Variants in CENPP observed in about 807,000 individuals in gnomAD.
CENPP encodes centromere protein P.
A neutral mutation model predicts 35.6 loss-of-function variants in CENPP; 24 were observed. That is an observed-to-expected ratio of 0.67 (90% CI 0.49 to 0.95). The LOEUF (loss-of-function observed/expected upper bound fraction) is 0.95, where lower values mean the gene tolerates loss of function less well. Ranked by LOEUF, CENPP falls within the 40% of genes least tolerant of loss-of-function variation. CENPP has a pLI of 0.00. For missense variants in CENPP, 332 were observed against 345.3 expected (o/e 0.96, Z 0.31); for synonymous variants, 120 against 125.5 (o/e 0.96, Z 0.29).
At chr9:92,599,294 G>A (rs1342287535) in intron 5 of CENPP, among the ~76,000 whole-genome samples, 2 of 152,144 alleles carry the variant, frequency 1.3e-5, no homozygotes, top group African/African-American at 4.8e-5. Context: ...TCCATCTTAG[G>A]CTTAGGGGCT....
At chr9:92,404,454 TAACA>T in intron 5 of CENPP, 1 of 1,215,632 alleles carries the variant, frequency 8.2e-7, no homozygotes, top group Non-Finnish European at 1.1e-6. Context: ...AGTCGCACTT[TAACA>T]AACAATATTT....
intron 5 of CENPP, chr9:92,385,463 T>C (rs1006804252): frequency 1.6e-6 from 1 of 612,158 alleles, no homozygotes; most frequent in African/African-American, 1.9e-5. Context: ...TTTTACTTAT[T>C]ATATGTAAGA....
Position 92,618,188 on chromosome 9 carries a change from C to G in CENPP, c.*5039C>G, listed in dbSNP as rs1185573000. The stretch of plus-strand genomic sequence containing the variant: ...TCGGAGGAGAAGCCTTCTCTGAGAT[C>G]CTCTCCTTTTGTTGAGAAAGGCCTG... On this transcript the variant is annotated 3_prime_UTR_variant, in exon 8 of 8. Transcript: ENST00000375587. 1.3e-5 allele frequency: 6 copies of G among 455,764 alleles called. No individual in the cohort carries two copies. Among genetic ancestry groups the G allele is most frequent in the Non-Finnish European group, 2.6e-5 (6 of 226,426 alleles). 28.2% of individuals were successfully genotyped at this position (455,764 alleles called of 1,614,324 possible).
chr9:92,523,505 G>T (rs1165594395), intron 5 of CENPP, among the ~76,000 whole-genome samples: 23 of 152,114 alleles, frequency 1.5e-4, no homozygotes, highest in Non-Finnish European at 1.5e-5. Flanking sequence ...TGGGAGCCAG[G>T]GGGCCAGTTG....
chr9:92,380,133 A>G (rs967573970), intron 5 of CENPP, among the ~76,000 whole-genome samples: 5 of 152,216 alleles, frequency 3.3e-5, no homozygotes, highest in African/African-American at 1.2e-4. Flanking sequence ...TTTCAAGAGT[A>G]TTTGAAGTAA....
rs538103603 is a variant in CENPP at position 92,580,366 on chromosome 9, C to T, written c.565-30948C>T. ...CTTTTTCTGTTGATTGGAATAGTTTCAGAAGGAATGGTACCAGTTCCTCCT... is the reference window on the plus strand; with the variant it reads ...CTTTTTCTGTTGATTGGAATAGTTTTAGAAGGAATGGTACCAGTTCCTCCT... On this transcript the variant is annotated intron_variant, in intron 5 of 7. Transcript: ENST00000375587. Among the ~76,000 whole-genome samples, 282 of 152,214 alleles carry T rather than the reference C, an allele frequency of 1.9e-3. 9 individuals are homozygous for T. In the South Asian group the frequency reaches 0.048, roughly 26 times the overall value.
chr9:92,344,803 C>T (rs1209494051), intron 3 of CENPP, among the ~76,000 whole-genome samples: 1 of 151,336 alleles, frequency 6.6e-6, no homozygotes, highest in Non-Finnish European at 1.5e-5. Context: ...CCCGCCTCTG[C>T]CTCCCAAAGT....
intron 5 of CENPP, among the ~76,000 whole-genome samples, chr9:92,448,159 G>A (rs1844599867): frequency 6.6e-6 from 1 of 152,212 alleles, no homozygotes. Flanking sequence ...CACAAATGAA[G>A]ACTGCAGCAT....
At chr9:92,474,406 C>T (rs1324211661) in intron 5 of CENPP, among the ~76,000 whole-genome samples, 1 of 152,096 alleles carries the variant, frequency 6.6e-6, no homozygotes, top group Non-Finnish European at 1.5e-5. Context: ...AGGAAATGTT[C>T]TATGGACAAC....
intron 5 of CENPP, among the ~76,000 whole-genome samples, chr9:92,596,803 A>G (rs1210912029): frequency 1.3e-5 from 2 of 152,084 alleles, no homozygotes; most frequent in African/African-American, 2.4e-5. Context: ...TTTTTTTATA[A>G]CCTTCCTCTA....
intron 5 of CENPP, among the ~76,000 whole-genome samples, chr9:92,534,582 A>G (rs752330742): frequency 3.3e-5 from 5 of 152,208 alleles, no homozygotes; most frequent in African/African-American, 4.8e-5. Flanking sequence ...ACTTTTTGCA[A>G]TCTACTTTAG....
intron 5 of CENPP, among the ~76,000 whole-genome samples, chr9:92,443,239 A>G (rs1381651412): frequency 2.6e-5 from 4 of 152,242 alleles, no homozygotes; most frequent in African/African-American, 9.6e-5. Flanking sequence ...TGTAATCAGC[A>G]GGATTTAGCA....
At chr9:92,337,134 A>G (rs925463857) in intron 2 of CENPP, among the ~76,000 whole-genome samples, 2 of 152,200 alleles carry the variant, frequency 1.3e-5, no homozygotes, top group Admixed American at 6.5e-5. Context: ...CCTGACCAGT[A>G]TGGTGAAACC....
intron 5 of CENPP, among the ~76,000 whole-genome samples, chr9:92,597,311 G>A (rs1217726069): frequency 6.6e-6 from 1 of 152,122 alleles, no homozygotes; most frequent in East Asian, 1.9e-4. Flanking sequence ...GGCTCCAAAC[G>A]GGGTGGGGAC....
chr9:92,597,101 T>G (rs1031649850), intron 5 of CENPP, among the ~76,000 whole-genome samples: 3 of 152,202 alleles, frequency 2.0e-5, no homozygotes, highest in Non-Finnish European at 2.9e-5. Context: ...TAGTAGAATG[T>G]TTATAAGCTT....
chr9:92,325,979 G>T lies in CENPP; in HGVS notation c.-20G>T, dbSNP rs747182767. On this transcript the variant is annotated 5_prime_UTR_variant, in exon 1 of 8. Transcript: ENST00000375587. ...GAGTGACAGCTGCGCTGCCGGCCCGGCTGCGGTCAGCAACGCGCCATGGAC... is the reference window on the plus strand; with the variant it reads ...GAGTGACAGCTGCGCTGCCGGCCCGTCTGCGGTCAGCAACGCGCCATGGAC... The T allele has an allele frequency of 1.9e-6, 3 of 1,543,614 alleles. No individual in the cohort carries two copies. The highest frequency in any genetic ancestry group is 2.6e-6 in the Non-Finnish European group (3 of 1,141,580).
chr9:92,440,711 A>G (rs187322395), intron 5 of CENPP, among the ~76,000 whole-genome samples: 14 of 152,330 alleles, frequency 9.2e-5, no homozygotes, highest in Admixed American at 5.2e-4. Flanking sequence ...CATTATAAGT[A>G]TTTAGTTAAG....
chr9:92,442,398 C>CAAAAAAAAAAAAAAAAAAAAAA (rs71362387), intron 5 of CENPP, among the ~76,000 whole-genome samples: 1 of 74,484 alleles, frequency 1.3e-5, no homozygotes, highest in Non-Finnish European at 2.8e-5. Flanking sequence ...AACTCTGTCT[C>CAAAAAAAAAAAAAAAAAAAAAA]AAAAAAAAAA....
chr9:92,441,701 G>A (rs1417003328), intron 5 of CENPP, among the ~76,000 whole-genome samples: 1 of 152,206 alleles, frequency 6.6e-6, no homozygotes, highest in East Asian at 1.9e-4. Flanking sequence ...GGAGGTTGCA[G>A]TGAGCCGAGA....
Sources: gnomAD v4.1 joint callset for allele counts (sites outside exome capture counted in the v4.1 genomes callset) on GRCh38, gnomAD v4.1.1 for gene constraint, MANE v1.5 for transcripts, NCBI Gene and HGNC (gene_info 2026-07-23, HGNC 2026-07-21) for gene names.